POC1A: variants seen among roughly 807,000 people sequenced by gnomAD.
The protein encoded by POC1A is POC1 centriolar protein homolog A.
A neutral mutation model predicts 47.8 loss-of-function variants in POC1A; 34 were observed. The ratio of observed to expected loss-of-function variants is 0.71; its 90% CI spans 0.54 to 0.95. The LOEUF is 0.95. Among genes scored for constraint, POC1A ranks in the 40% least tolerant of loss-of-function variants. The pLI, the probability that POC1A is intolerant of heterozygous loss-of-function variation, is 0.00. For missense variants in POC1A, 466 were observed against 528.3 expected, an observed-to-expected ratio of 0.88 and a Z score of 1.16; for synonymous variants, 177 against 207.6, an observed-to-expected ratio of 0.85 and a Z score of 1.27.
chr3:52,125,998 G>C (rs1703984152), intron 7 of POC1A, among the ~76,000 whole-genome samples: 1 of 152,208 alleles, frequency 6.6e-6, no homozygotes, highest in Admixed American at 6.5e-5. Flanking sequence ...GTAAGGATCT[G>C]TTTAGCTACG....
intron 9 of POC1A, among the ~76,000 whole-genome samples, chr3:52,106,013 T>A (rs1470015835): frequency 6.6e-6 from 1 of 151,904 alleles, no homozygotes; most frequent in African/African-American, 2.4e-5. Flanking sequence ...GCTAACACGG[T>A]GAAACCCCGT....
chr3:52,149,472 T>C, intron 3 of POC1A, 83 bp from the exon 4 acceptor site: 27 of 1,308,730 alleles, frequency 2.1e-5, no homozygotes, highest in Non-Finnish European at 2.9e-5. Flanking sequence ...CTCCTACTCC[T>C]CAAGCACCCC....
Position 52,138,190 on chromosome 3 carries a change from G to GAGC in POC1A, c.789_791dup (p.Leu264dup). On this transcript the variant is annotated inframe_insertion, in exon 7 of 11. Transcript: ENST00000296484. ...TCACCTGATGCCCGTGGAGTGTGTA[G>GAGC]AGCAGCCGGCCCTCCATCAGGTCCA... The GAGC allele has an allele frequency of 6.2e-7, 1 of 1,614,112 alleles. No individual in the cohort carries two copies. Among genetic ancestry groups the GAGC allele is most frequent in the Non-Finnish European group, 8.5e-7 (1 of 1,179,994 alleles).
intron 9 of POC1A, among the ~76,000 whole-genome samples, 190 bp downstream of exon 9, chr3:52,122,189 C>T (rs1045305535): frequency 6.6e-5 from 10 of 152,246 alleles, no homozygotes; most frequent in African/African-American, 1.7e-4. Context: ...GTGTCTTATT[C>T]GTTCACTCTA....
Position 52,138,159 on chromosome 3 carries a change from C to T in POC1A, c.813+10G>A, listed in dbSNP as rs539965621. 1.7e-5 allele frequency: 27 copies of T among 1,614,090 alleles called. No homozygotes were observed. The Admixed American group carries it at 3.3e-4, about 20-fold the overall frequency. On this transcript the variant is annotated intron_variant, in intron 7 of 10. Coordinates refer to ENST00000296484, the MANE Select transcript of POC1A (RefSeq NM_015426.5). ...TCCACACCACTCAGCACCTGGCCGACACCTCTCACCTGATGCCCGTGGAGT... is the reference window on the plus strand; with the variant it reads ...TCCACACCACTCAGCACCTGGCCGATACCTCTCACCTGATGCCCGTGGAGT...
chr3:52,147,655 C>T (rs1157811122), intron 4 of POC1A, among the ~76,000 whole-genome samples: 1 of 152,020 alleles, frequency 6.6e-6, no homozygotes, highest in Non-Finnish European at 1.5e-5. Flanking sequence ...GTTGCCCAGG[C>T]TGGTCCTCTA....
At position 52,090,384 on chromosome 3, in the gene POC1A, T is replaced by A. The variant is rs1300643020; in HGVS notation, c.1125+6185A>T. On this transcript the variant is annotated intron_variant, in intron 10 of 10. Transcript: ENST00000296484. The surrounding 1 kb of genome is among the most constrained non-coding windows in gnomAD (Gnocchi z 4.2). Reference sequence around the variant, plus strand: ...TCTGAGGCAAAACCACCAAGCCGCGTGTTGGGCCTATGCCGGGCCCCCTCA... The same window carrying A: ...TCTGAGGCAAAACCACCAAGCCGCGAGTTGGGCCTATGCCGGGCCCCCTCA... Among the ~76,000 whole-genome samples the A allele has an allele frequency of 6.6e-6, 1 of 152,210 alleles. No individual in the cohort carries two copies. Among genetic ancestry groups the A allele is most frequent in the African/African-American group, 2.4e-5 (1 of 41,448 alleles).
chr3:52,109,499 A>C (rs1703307489), intron 9 of POC1A, among the ~76,000 whole-genome samples: 1 of 152,020 alleles, frequency 6.6e-6, no homozygotes, highest in South Asian at 2.1e-4. Context: ...AAACAAACAA[A>C]AAAAAAAACC....
rs141965426 is a variant in POC1A at position 52,123,579 on chromosome 3, C to T, written c.883-1102G>A. On this transcript the variant is annotated intron_variant, in intron 8 of 10. Transcript: ENST00000296484. The stretch of plus-strand genomic sequence containing the variant: ...GTTTCCTCTCCCAGATGGATGGCGT[C>T]TAGGGTCGTGCACATATCACCTTAG... Among the ~76,000 whole-genome samples the T allele has an allele frequency of 5.5e-3, 836 of 152,326 alleles. 9 individuals carry two copies. The highest frequency in any genetic ancestry group is 0.019 in the African/African-American group (786 of 41,568).
intron 7 of POC1A, among the ~76,000 whole-genome samples, chr3:52,132,599 T>C: frequency 6.6e-6 from 1 of 152,086 alleles, no homozygotes; most frequent in South Asian, 2.1e-4. Context: ...TGGGCAGATT[T>C]GAGAGGCAGA....
rs528593189 is a variant in POC1A at position 52,146,574 on chromosome 3, A to G, written c.563+414T>C. 1.8e-4 allele frequency among the ~76,000 whole-genome samples: 28 copies of G among 152,364 alleles called. No individual in the cohort carries two copies. The South Asian group carries it at 5.6e-3, about 30-fold the overall frequency. On this transcript the variant is annotated intron_variant, in intron 5 of 10. Coordinates refer to ENST00000296484, the MANE Select transcript of POC1A (RefSeq NM_015426.5). ...ATGAACAGCCACCATCTGCTACAAG[A>G]ACCCAACAAGAATTTTGTAAAGCCA...
Position 52,138,168 on chromosome 3 carries a change from C to A in POC1A, c.813+1G>T. The stretch of plus-strand genomic sequence containing the variant: ...CTCAGCACCTGGCCGACACCTCTCA[C>A]CTGATGCCCGTGGAGTGTGTAGAGC... On this transcript the variant is annotated splice_donor_variant, in intron 7 of 10. Coordinates refer to ENST00000296484, the MANE Select transcript of POC1A (RefSeq NM_015426.5). LOFTEE classifies it high-confidence loss of function. The A allele has an allele frequency of 1.2e-6, 2 of 1,614,104 alleles. No homozygotes were observed. Among genetic ancestry groups the A allele is most frequent in the Non-Finnish European group, 1.7e-6 (2 of 1,179,972 alleles).
chr3:52,111,890 C>T (rs1417545543), intron 9 of POC1A, among the ~76,000 whole-genome samples: 1 of 152,134 alleles, frequency 6.6e-6, no homozygotes, highest in Non-Finnish European at 1.5e-5. Context: ...AAGGATAACA[C>T]AGGAGACAGG....
chr3:52,150,512 T>C (rs966717173), intron 2 of POC1A, among the ~76,000 whole-genome samples: 7 of 151,944 alleles, frequency 4.6e-5, no homozygotes, highest in Non-Finnish European at 1.0e-4. Context: ...AGCGCAGTCA[T>C]AAAAGCTGTG....
chr3:52,146,092 T>C (rs1577920966), intron 5 of POC1A, 131 bp from the exon 6 acceptor site: 1 of 615,534 alleles, frequency 1.6e-6, no homozygotes, highest in East Asian at 2.8e-5. Context: ...ACCTCCTTTC[T>C]GTCACACTTG....
intron 6 of POC1A, among the ~76,000 whole-genome samples, chr3:52,138,782 T>C (rs1478389742): frequency 6.6e-6 from 1 of 152,168 alleles, no homozygotes; most frequent in Admixed American, 6.5e-5. Context: ...TAAGACACTC[T>C]TAGGAAGCAG....
At chr3:52,100,011 G>A (rs926809274) in intron 9 of POC1A, among the ~76,000 whole-genome samples, 2 of 152,162 alleles carry the variant, frequency 1.3e-5, no homozygotes, top group Admixed American at 6.5e-5. Context: ...TCTAACTTTG[G>A]GAAATATCAC....
intron 7 of POC1A, among the ~76,000 whole-genome samples, chr3:52,137,040 G>A (rs773029496): frequency 2.0e-5 from 3 of 152,142 alleles, no homozygotes; most frequent in African/African-American, 7.2e-5. Context: ...TGTATAACTT[G>A]CTTGTCCAGG....
intron 10 of POC1A, among the ~76,000 whole-genome samples, chr3:52,078,307 G>C (rs752429714): frequency 2.6e-5 from 4 of 152,084 alleles, no homozygotes; most frequent in Non-Finnish European, 5.9e-5. Flanking sequence ...AGGCCTGGGA[G>C]AGCAGGATGC....
Sources: gnomAD v4.1 joint callset for allele counts (sites outside exome capture counted in the v4.1 genomes callset) on GRCh38, gnomAD v4.1.1 for gene constraint, Gnocchi (gnomAD v3.1) non-coding constraint, MANE v1.5 for transcripts, NCBI Gene and HGNC (gene_info 2026-07-23, HGNC 2026-07-21) for gene names.